Variants in ROBO1 observed in about 807,000 individuals in gnomAD.
ROBO1 encodes the protein roundabout homolog 1.
A neutral mutation model predicts 195.9 loss-of-function variants in ROBO1; 149 were observed. That is an observed-to-expected ratio of 0.76 (90% CI 0.67 to 0.87). ROBO1 has a LOEUF of 0.87. Among genes scored for constraint, ROBO1 ranks in the 40% least tolerant of loss-of-function variants. ROBO1 has a pLI of 0.00. For missense variants in ROBO1, 1,933 were observed against 2,068.3 expected (o/e 0.93, Z 1.27); for synonymous variants, 816 against 733.2 (o/e 1.11, Z -1.82).
At chr3:79,044,411 T>C (rs1030116200) in intron 3 of ROBO1, among the ~76,000 whole-genome samples, 4 of 152,312 alleles carry the variant, frequency 2.6e-5, no homozygotes, top group African/African-American at 7.2e-5. Flanking sequence ...TTTAATTTAA[T>C]AGCCAATGAT....
At chr3:79,199,300 T>A (rs2108774789) in intron 2 of ROBO1, among the ~76,000 whole-genome samples, 1 of 151,880 alleles carries the variant, frequency 6.6e-6, no homozygotes, top group Admixed American at 6.6e-5. Context: ...TAGTTTATTT[T>A]AAAATATTTG....
At chr3:78,683,372 T>C (rs930537870) in intron 10 of ROBO1, among the ~76,000 whole-genome samples, 11 of 152,086 alleles carry the variant, frequency 7.2e-5, no homozygotes, top group Admixed American at 6.5e-4. Context: ...TCAGATTTTT[T>C]TGTTTGTTTA....
chr3:79,233,175 A>T (rs896357509), intron 2 of ROBO1, among the ~76,000 whole-genome samples: 3 of 152,112 alleles, frequency 2.0e-5, no homozygotes, highest in African/African-American at 7.2e-5. Flanking sequence ...AGATAAAAAG[A>T]GGAGGAGAAG....
intron 4 of ROBO1, among the ~76,000 whole-genome samples, chr3:78,881,493 G>A (rs965564126): frequency 1.3e-5 from 2 of 152,124 alleles, no homozygotes; most frequent in Admixed American, 1.3e-4. Flanking sequence ...ACAATTAAAA[G>A]CATTTTTCTT....
chr3:79,235,889 T>A (rs1404704287), intron 2 of ROBO1, among the ~76,000 whole-genome samples: 1 of 152,106 alleles, frequency 6.6e-6, no homozygotes, highest in South Asian at 2.1e-4. Context: ...GCTATAGGTA[T>A]GGTATACTAT....
rs568441254 is a variant in ROBO1 at position 79,437,753 on chromosome 3, T to C, written c.88+152071A>G. On this transcript the variant is annotated intron_variant, in intron 2 of 30. Transcript: ENST00000464233. ...GCATAAAGGTTGTGTATAGTGGGAG[T>C]TGGTGATGAGAGTGGGGCAGAGGAA... 4.0e-5 allele frequency among the ~76,000 whole-genome samples: 6 copies of C among 151,758 alleles called. No individual in the cohort carries two copies. The South Asian group carries it at 1.2e-3, about 32-fold the overall frequency.
At chr3:79,382,524 T>G in intron 2 of ROBO1, among the ~76,000 whole-genome samples, 1 of 152,124 alleles carries the variant, frequency 6.6e-6, no homozygotes, top group East Asian at 1.9e-4. Flanking sequence ...ATTTAAATAA[T>G]TTTCTGGTGA....
chr3:79,653,133 AC>A (rs1335679478), intron 1 of ROBO1, among the ~76,000 whole-genome samples: 4 of 151,834 alleles, frequency 2.6e-5, no homozygotes, highest in African/African-American at 9.7e-5. Flanking sequence ...CAAATAACTT[AC>A]TGGAGGATTA....
chr3:79,454,197 T>C (rs1178637479), intron 2 of ROBO1, among the ~76,000 whole-genome samples: 3 of 148,834 alleles, frequency 2.0e-5, no homozygotes, highest in African/African-American at 7.4e-5. Context: ...ATTTAAGACA[T>C]ACTTGAAAAA....
intron 1 of ROBO1, among the ~76,000 whole-genome samples, chr3:79,621,873 C>T (rs938528335): frequency 3.9e-5 from 6 of 152,112 alleles, no homozygotes; most frequent in South Asian, 2.1e-4. Flanking sequence ...AAGGCAACTA[C>T]GTAACAACAT....
intron 2 of ROBO1, among the ~76,000 whole-genome samples, chr3:79,306,986 T>C (rs936815230): frequency 7.4e-5 from 11 of 148,168 alleles, no homozygotes; most frequent in Admixed American, 4.9e-4. Flanking sequence ...TAGAAATATA[T>C]AGAAAAGAAA....
chr3:79,128,132 T>A (rs988948806), intron 2 of ROBO1, among the ~76,000 whole-genome samples: 2 of 152,186 alleles, frequency 1.3e-5, no homozygotes, highest in African/African-American at 4.8e-5. Context: ...TAGCATTGAT[T>A]ATGCGAGCTA....
intron 2 of ROBO1, among the ~76,000 whole-genome samples, chr3:79,530,141 A>G (rs1941588959): frequency 6.6e-6 from 1 of 152,184 alleles, no homozygotes. Flanking sequence ...CATTTAACAA[A>G]AATAATATAG....
chr3:79,405,861 A>G (rs1052576130), intron 2 of ROBO1, among the ~76,000 whole-genome samples: 2 of 152,186 alleles, frequency 1.3e-5, no homozygotes, highest in African/African-American at 4.8e-5. Context: ...AAAAATGTAT[A>G]AGCCAATAAA....
intron 2 of ROBO1, among the ~76,000 whole-genome samples, chr3:79,299,658 T>G (rs2032789948): frequency 1.3e-5 from 2 of 152,170 alleles, no homozygotes; most frequent in African/African-American, 2.4e-5. Flanking sequence ...ATAATAATTT[T>G]TAATTGAGAT....
Position 78,946,911 on chromosome 3 carries a change from G to C in ROBO1, c.173-7984C>G, listed in dbSNP as rs560849373. On this transcript the variant is annotated intron_variant, in intron 3 of 30. Transcript: ENST00000464233. Reference sequence around the variant, plus strand: ...AAACAGACTTTAAACCAACAAAGATGAAAAGAGACAAAGAAGGCTATTACA... The same window carrying C: ...AAACAGACTTTAAACCAACAAAGATCAAAAGAGACAAAGAAGGCTATTACA... Among the ~76,000 whole-genome samples, 1,285 of 152,102 alleles carry C rather than the reference G, an allele frequency of 8.4e-3. 15 individuals are homozygous for C. The highest frequency in any genetic ancestry group is 0.029 in the African/African-American group (1,214 of 41,488).
chr3:79,355,566 C>T (rs576945289), intron 2 of ROBO1, among the ~76,000 whole-genome samples: 3 of 152,134 alleles, frequency 2.0e-5, no homozygotes, highest in Non-Finnish European at 4.4e-5. Flanking sequence ...TTCCTCCCTC[C>T]TACCTCCTCT....
chr3:78,688,616 T>A, intron 9 of ROBO1, 32 bp downstream of exon 9: 1 of 1,536,142 alleles, frequency 6.5e-7, no homozygotes, highest in Non-Finnish European at 8.7e-7. Flanking sequence ...TCTTTGCTGA[T>A]TTAAAAAAAA....
intron 3 of ROBO1, among the ~76,000 whole-genome samples, chr3:79,109,051 G>T (rs1168864003): frequency 6.6e-6 from 1 of 151,684 alleles, no homozygotes; most frequent in East Asian, 1.9e-4. Context: ...ACAGGCATTT[G>T]TTTGTGGACT....
Sources: gnomAD v4.1 joint callset for allele counts (sites outside exome capture counted in the v4.1 genomes callset) on GRCh38, gnomAD v4.1.1 for gene constraint, MANE v1.5 for transcripts, NCBI Gene and HGNC (gene_info 2026-07-23, HGNC 2026-07-21) for gene names.